The following FSIP1 variants were observed in gnomAD, a reference collection of about 807,000 sequenced individuals.
FSIP1 encodes fibrous sheath interacting protein 1.
In FSIP1, 65 loss-of-function variants were observed where a neutral mutation model predicts 60.9. That is an observed-to-expected ratio of 1.07 (90% CI 0.87 to 1.31). The LOEUF (loss-of-function observed/expected upper bound fraction) is 1.31, where lower values mean the gene tolerates loss of function less well. FSIP1 is among the 40% of genes most tolerant of loss of function. The probability of loss-of-function intolerance (pLI) is 0.00; values close to 1 mark genes in which losing one functional copy is unlikely to be tolerated. For missense variants in FSIP1, 675 were observed against 665.5 expected, an observed-to-expected ratio of 1.01 and a Z score of -0.16; for synonymous variants, 209 against 221.2, an observed-to-expected ratio of 0.94 and a Z score of 0.49.
chr15:39,707,382 G>A (rs1003328829), intron 10 of FSIP1, among the ~76,000 whole-genome samples: 3 of 152,054 alleles, frequency 2.0e-5, no homozygotes, highest in Admixed American at 1.3e-4. Flanking sequence ...CGGAGAGGTC[G>A]CTAATTTACA....
intron 11 of FSIP1, among the ~76,000 whole-genome samples, chr15:39,616,781 T>C (rs1333487430): frequency 2.6e-5 from 4 of 152,156 alleles, no homozygotes; most frequent in Admixed American, 1.3e-4. Context: ...GAAATTCGTT[T>C]AGTGGTTGTC....
chr15:39,637,364 G>A (rs1214310161), intron 10 of FSIP1, among the ~76,000 whole-genome samples: 1 of 152,170 alleles, frequency 6.6e-6, no homozygotes, highest in Non-Finnish European at 1.5e-5. Context: ...GGCTATGGAA[G>A]GTACTGGAAA....
intron 10 of FSIP1, among the ~76,000 whole-genome samples, chr15:39,681,615 T>C (rs1894166434): frequency 6.6e-6 from 1 of 152,156 alleles, no homozygotes; most frequent in African/African-American, 2.4e-5. Flanking sequence ...CCAATATGGA[T>C]TTAAAGCAGC....
chr15:39,605,143 C>CT (rs890222440), intron 11 of FSIP1, among the ~76,000 whole-genome samples: 25 of 151,710 alleles, frequency 1.6e-4, no homozygotes, highest in Middle Eastern at 3.4e-3. Context: ...ATTAGTAGAA[C>CT]TTTTTTTTTA....
At chr15:39,780,940 T>A (rs549685053) in intron 1 of FSIP1, among the ~76,000 whole-genome samples, 2 of 152,194 alleles carry the variant, frequency 1.3e-5, no homozygotes, top group African/African-American at 4.8e-5. Context: ...GGCAAAAATT[T>A]CTTAGATACA....
intron 10 of FSIP1, among the ~76,000 whole-genome samples, chr15:39,662,087 T>C (rs1192921140): frequency 1.3e-5 from 2 of 152,136 alleles, no homozygotes; most frequent in African/African-American, 4.8e-5. Flanking sequence ...TACAGTTAAC[T>C]ACCACATTAA....
chr15:39,696,589 A>C (rs951358), intron 10 of FSIP1, among the ~76,000 whole-genome samples: 114,315 of 152,058 alleles, frequency 0.75, 44,147 homozygotes, highest in Non-Finnish European at 0.85. Context: ...ACTCTCAGCA[A>C]TTCCACTTAA....
chr15:39,609,986 T>C (rs1307147449), intron 11 of FSIP1, among the ~76,000 whole-genome samples: 1 of 152,226 alleles, frequency 6.6e-6, no homozygotes, highest in Admixed American at 6.5e-5. Flanking sequence ...AGTGAAGGTC[T>C]ACCACTGTGA....
At chr15:39,735,651 A>C (rs1383489031) in intron 8 of FSIP1, among the ~76,000 whole-genome samples, 1 of 152,124 alleles carries the variant, frequency 6.6e-6, no homozygotes, top group Non-Finnish European at 1.5e-5. Flanking sequence ...TTCTTTATTT[A>C]ATAATAAAGG....
chr15:39,620,499 G>T (rs1322881886), intron 10 of FSIP1, among the ~76,000 whole-genome samples: 1 of 151,448 alleles, frequency 6.6e-6, no homozygotes, highest in Non-Finnish European at 1.5e-5. Flanking sequence ...TGAGGCAAGG[G>T]GCTGCCATTT....
rs1309022056 is a variant in FSIP1 at position 39,765,736 on chromosome 15, T to C, written c.321A>G (p.Lys107=). Reference sequence around the variant, plus strand: ...GAAGTTGAGAATCTAATTCTTTTAATTTGGGTTCATCTATATTGTGTTGAA... The same window carrying C: ...GAAGTTGAGAATCTAATTCTTTTAACTTGGGTTCATCTATATTGTGTTGAA... ...QIISECSDEP[K]LKELDSQLQD... The change falls in exon 4 of 12, where the codon AAA becomes AAG. Residue 107 remains lysine, a synonymous_variant. Transcript: ENST00000350221. 1.3e-6 allele frequency: 2 copies of C among 1,521,572 alleles called. No individual in the cohort carries two copies. The allele number at this position is 1,521,572 out of a possible 1,614,324, so 94.3% of individuals were successfully genotyped here. A position where few individuals can be genotyped will look rare whatever the true frequency, so the allele number is the denominator to read the frequency against.
At chr15:39,743,394 TA>T (rs1197045773) in intron 5 of FSIP1, among the ~76,000 whole-genome samples, 4 of 152,076 alleles carry the variant, frequency 2.6e-5, no homozygotes, top group African/African-American at 9.7e-5. Flanking sequence ...ACAACAGTTT[TA>T]AAAGTTGGGC....
Position 39,735,121 on chromosome 15 carries a change from C to A in FSIP1, c.891+2970G>T, listed in dbSNP as rs532284807. Among the ~76,000 whole-genome samples the A allele has an allele frequency of 3.3e-4, 50 of 152,274 alleles. 1 individual carries two copies. Among genetic ancestry groups the A allele is most frequent in the Non-Finnish European group, 3.4e-4 (23 of 68,024 alleles). ...AACAAAACCAGAATGAAACCCAGATCCCTTAATTCTTACTGGTATCTAAGC... is the reference window on the plus strand; with the variant it reads ...AACAAAACCAGAATGAAACCCAGATACCTTAATTCTTACTGGTATCTAAGC... On this transcript the variant is annotated intron_variant, in intron 8 of 11. Transcript: ENST00000350221.
At chr15:39,672,623 C>T (rs1017037292) in intron 10 of FSIP1, among the ~76,000 whole-genome samples, 12 of 151,828 alleles carry the variant, frequency 7.9e-5, no homozygotes, top group East Asian at 1.9e-4. Flanking sequence ...TATTTGATGG[C>T]GATATAATAA....
chr15:39,625,126 C>T (rs903943423), intron 10 of FSIP1, among the ~76,000 whole-genome samples: 5 of 152,188 alleles, frequency 3.3e-5, no homozygotes, highest in African/African-American at 1.2e-4. Flanking sequence ...CCCCAAACAG[C>T]CGGGTGAGGC....
chr15:39,692,774 AAAG>A (rs956774416), intron 10 of FSIP1, among the ~76,000 whole-genome samples: 74 of 152,282 alleles, frequency 4.9e-4, no homozygotes, highest in African/African-American at 1.5e-3. Flanking sequence ...GAAAGAAAGA[AAAG>A]AAGAAGAAAA....
chr15:39,603,855 C>T (rs1484444155), intron 11 of FSIP1, among the ~76,000 whole-genome samples: 1 of 152,210 alleles, frequency 6.6e-6, no homozygotes, highest in African/African-American at 2.4e-5. Context: ...TAGTCCGGAG[C>T]TTCTCACTCT....
chr15:39,776,301 G>T, intron 2 of FSIP1, 98 bp downstream of exon 2: 1 of 1,180,696 alleles, frequency 8.5e-7, no homozygotes. Context: ...CACCGTCTAA[G>T]GAGAAAATTT....
chr15:39,737,556 A>G (rs1896655860), intron 8 of FSIP1, among the ~76,000 whole-genome samples: 1 of 152,234 alleles, frequency 6.6e-6, no homozygotes, highest in South Asian at 2.1e-4. Context: ...ACCAATGTGT[A>G]AACACTGCTT....
Sources: gnomAD v4.1 joint callset for allele counts (sites outside exome capture counted in the v4.1 genomes callset) on GRCh38, gnomAD v4.1.1 for gene constraint, MANE v1.5 for transcripts, NCBI Gene and HGNC (gene_info 2026-07-23, HGNC 2026-07-21) for gene names.